The following METAP2 variants were observed in gnomAD, a reference collection of about 807,000 sequenced individuals.
The protein encoded by METAP2 is methionyl aminopeptidase 2, also known as methionine aminopeptidase 2.
METAP2 carries 25 observed loss-of-function variants against 59.4 expected under a neutral mutation model. The ratio of observed to expected loss-of-function variants is 0.42; its 90% confidence interval spans 0.31 to 0.59. METAP2 has a LOEUF of 0.59. Among genes scored for constraint, METAP2 ranks in the 20% least tolerant of loss-of-function variants. The probability of loss-of-function intolerance (pLI) is 0.16; values close to 1 mark genes in which losing one functional copy is unlikely to be tolerated. For missense variants in METAP2, 366 were observed against 581.2 expected (o/e 0.63, Z 3.81); for synonymous variants, 214 against 194.1 (o/e 1.10, Z -0.85).
chr12:95,506,609 T>A (rs1343962935), intron 8 of METAP2, among the ~76,000 whole-genome samples: 5 of 152,090 alleles, frequency 3.3e-5, no homozygotes, highest in African/African-American at 1.2e-4. Context: ...TATATATGTT[T>A]TTTGATATCA....
At chr12:95,489,290 T>C (rs1251749298) in intron 4 of METAP2, among the ~76,000 whole-genome samples, 1 of 152,218 alleles carries the variant, frequency 6.6e-6, no homozygotes, top group Non-Finnish European at 1.5e-5. Context: ...AACTTCCTTT[T>C]CCTTACTCTA....
Position 95,474,220 on chromosome 12 carries a change from T to C in METAP2, c.41T>C (p.Leu14Pro), listed in dbSNP as rs749338730. 1 of 1,614,144 alleles carries C rather than the reference T, an allele frequency of 6.2e-7. No homozygotes were observed. The highest frequency in any genetic ancestry group is 1.1e-5 in the South Asian group (1 of 91,074). The stretch of plus-strand genomic sequence containing the variant: ...GAGGTAGCGGCCTCCGGGAGCCACC[T>C]GAATGGCGACCTGGATCCAGACGAC... ...VEEVAASGSH[L>P]NGDLDPDDRE... is the part of the protein sequence containing the mutation. The change falls in exon 1 of 11, where the codon CTG becomes CCG. Residue 14 changes from leucine to proline, a missense_variant. Coordinates refer to ENST00000323666, the MANE Select transcript of METAP2 (RefSeq NM_006838.4).
At position 95,515,740 on chromosome 12, in the gene METAP2, T is replaced by G. The variant is rs2076443389; in HGVS notation, c.*1836T>G. Reference sequence around the variant, plus strand: ...GTTTGCTTATTAGCCATGTATCTCTTAAAATTTTGTTATGTTTACAACGAT... The same window carrying G: ...GTTTGCTTATTAGCCATGTATCTCTGAAAATTTTGTTATGTTTACAACGAT... On this transcript the variant is annotated 3_prime_UTR_variant, in exon 11 of 11. Transcript: ENST00000323666. The G allele has an allele frequency of 6.6e-6, 1 of 152,228 alleles. No individual in the cohort carries two copies. The allele number at this position is 152,228 out of a possible 1,614,324, so 9.4% of individuals were successfully genotyped here.
rs1198107445 is a variant in METAP2, at chr12:95,513,929, C to T, written c.*25C>T. On this transcript the variant is annotated 3_prime_UTR_variant, in exon 11 of 11. Coordinates refer to ENST00000323666, the MANE Select transcript of METAP2 (RefSeq NM_006838.4). ...AACTTAGTCCAAAGCCACCTCAACACCTTTATTTTCTGAGCTTTGTTGGAA... is the reference window on the plus strand; with the variant it reads ...AACTTAGTCCAAAGCCACCTCAACATCTTTATTTTCTGAGCTTTGTTGGAA... 2 of 1,581,872 alleles carry T rather than the reference C, an allele frequency of 1.3e-6. No individual in the cohort carries two copies. The highest frequency in any genetic ancestry group is 1.7e-6 in the Non-Finnish European group (2 of 1,164,004).
chr12:95,512,818 A>C lies in METAP2; in HGVS notation c.1086A>C (p.Ala362=). Residue 362 remains alanine (A), a synonymous_variant, in exon 10 of 11, where the codon GCA becomes GCC. Transcript: ENST00000323666. Reference sequence around the variant, plus strand: ...TTTTTCAGGAAGGAGAAGTATATGCAATTGAAACCTTTGGTAGTACAGGAA... The same window carrying C: ...TTTTTCAGGAAGGAGAAGTATATGCCATTGAAACCTTTGGTAGTACAGGAA... ...ATRMEEGEVY[A]IETFGSTGKG... 1 of 1,604,582 alleles carries C rather than the reference A, an allele frequency of 6.2e-7. No individual in the cohort carries two copies. The highest frequency in any genetic ancestry group is 2.2e-5 in the East Asian group (1 of 44,764).
rs375792222 is a variant in METAP2 at position 95,494,872 on chromosome 12, T to C, written c.591-85T>C. On this transcript the variant is annotated intron_variant, in intron 5 of 10. Coordinates refer to ENST00000323666, the MANE Select transcript of METAP2 (RefSeq NM_006838.4). The stretch of plus-strand genomic sequence containing the variant: ...AGGTATTTAAGGTTTTTAGTAAACT[T>C]TCTGGACTTGATGAACTATATGGTA... The C allele has an allele frequency of 5.7e-5, 64 of 1,118,594 alleles. No individual in the cohort carries two copies. In the South Asian group the frequency reaches 1.2e-3, roughly 20 times the overall value. 69.3% of individuals were successfully genotyped at this position (1,118,594 alleles called of 1,614,324 possible).
chr12:95,496,071 A>G lies in METAP2; in HGVS notation c.840A>G (p.Val280=). 3 of 1,593,108 alleles carry G rather than the reference A, an allele frequency of 1.9e-6. No individual in the cohort carries two copies. Among genetic ancestry groups the G allele is most frequent in the South Asian group, 1.1e-5 (1 of 90,326 alleles). The stretch of plus-strand genomic sequence containing the variant: ...AATATGATACGTTATTAAAAGCTGT[A>G]AAAGATGCTACTAACACTGGAATAA... The part of the protein sequence containing the change: ...NPKYDTLLKA[V]KDATNTGIKC... The change falls in exon 7 of 11, where the codon GTA becomes GTG. Residue 280 remains valine (V), a synonymous_variant. Coordinates refer to ENST00000323666, the MANE Select transcript of METAP2 (RefSeq NM_006838.4).
intron 6 of METAP2, 22 bp from the exon 7 acceptor site, chr12:95,495,982 A>G: frequency 7.1e-7 from 1 of 1,413,474 alleles, no homozygotes. Context: ...AGTAAAATTA[A>G]AAGAGGAATT....
At chr12:95,476,280 G>A (rs971868889) in intron 2 of METAP2, 102 bp downstream of exon 2, 3 of 647,344 alleles carry the variant, frequency 4.6e-6, no homozygotes, top group African/African-American at 3.7e-5. Flanking sequence ...GTCGAGGCGG[G>A]TGGATTACAT....
chr12:95,503,490 A>G (rs935164159), intron 7 of METAP2, among the ~76,000 whole-genome samples: 2 of 152,098 alleles, frequency 1.3e-5, no homozygotes, highest in African/African-American at 4.8e-5. Flanking sequence ...TCTGAAAGTC[A>G]CTTCAGCCAC....
At chr12:95,485,767 G>T (rs547855524) in intron 3 of METAP2, 112 bp from the exon 4 acceptor site, 34 of 660,186 alleles carry the variant, frequency 5.2e-5, no homozygotes, top group Non-Finnish European at 5.0e-6. Flanking sequence ...TGGCAGCAAG[G>T]AGTTTCCTTA....
chr12:95,506,167 C>A (rs1594435507), intron 8 of METAP2, among the ~76,000 whole-genome samples: 1 of 151,942 alleles, frequency 6.6e-6, no homozygotes, highest in South Asian at 2.1e-4. Flanking sequence ...GCAGCCCAAC[C>A]CCCTTGCTCA....
chr12:95,483,308 A>C, intron 3 of METAP2, 28 bp downstream of exon 3: 1 of 1,544,352 alleles, frequency 6.5e-7, no homozygotes, highest in Non-Finnish European at 8.9e-7. Context: ...ATGTTAATTG[A>C]TATATTAGAA....
In METAP2 at chr12:95,510,697, A is replaced by AC. The variant is rs556197028; in HGVS notation, c.965-1196dup. ...TACAGCAGCCTGCCTCTAGTGAGCC[A>AC]CCATCTTGGCTTGTGGGGTCAGTTT... On this transcript the variant is annotated intron_variant, in intron 8 of 10. Coordinates refer to ENST00000323666, the MANE Select transcript of METAP2 (RefSeq NM_006838.4). Among the ~76,000 whole-genome samples the AC allele has an allele frequency of 3.0e-4, 45 of 152,318 alleles. 1 individual carries two copies. The South Asian group carries it at 8.1e-3, about 27-fold the overall frequency.
chr12:95,489,053 A>C (rs982417130), intron 4 of METAP2, among the ~76,000 whole-genome samples: 59 of 152,252 alleles, frequency 3.9e-4, no homozygotes, highest in African/African-American at 1.3e-3. Context: ...GGTAGGTTCT[A>C]GCCCTTTTTA....
At chr12:95,493,233 C>T (rs1041667590) in intron 4 of METAP2, among the ~76,000 whole-genome samples, 17 of 152,062 alleles carry the variant, frequency 1.1e-4, no homozygotes, top group Non-Finnish European at 4.4e-5. Flanking sequence ...CCCAGCCACT[C>T]AGGAGGCTGA....
chr12:95,504,917 T>G (rs2076346543), intron 8 of METAP2, among the ~76,000 whole-genome samples: 1 of 152,174 alleles, frequency 6.6e-6, no homozygotes, highest in Non-Finnish European at 1.5e-5. Context: ...AAGTATATAC[T>G]CCCAGAGTCC....
At chr12:95,474,390 G>A in intron 1 of METAP2, 60 bp downstream of exon 1, 1 of 1,563,416 alleles carries the variant, frequency 6.4e-7, no homozygotes, top group African/African-American at 1.4e-5. Context: ...GTTTGGCTCA[G>A]GCCCGTTGAG....
At chr12:95,501,455 T>C (rs924154688) in intron 7 of METAP2, among the ~76,000 whole-genome samples, 2 of 152,242 alleles carry the variant, frequency 1.3e-5, no homozygotes, top group African/African-American at 2.4e-5. Flanking sequence ...CGGTGGCTCA[T>C]GCCTGTAATC....
Sources: allele counts gnomAD v4.1 joint callset (sites outside exome capture counted in the v4.1 genomes callset), GRCh38; gene constraint gnomAD v4.1.1; transcripts MANE v1.5; gene names NCBI Gene and HGNC (gene_info 2026-07-23, HGNC 2026-07-21).